LRBA: variants seen among roughly 807,000 people sequenced by gnomAD.
LRBA encodes LPS responsive beige-like anchor protein.
A neutral mutation model predicts 330.0 loss-of-function variants in LRBA; 176 were observed. The ratio of observed to expected loss-of-function variants is 0.53; its 90% confidence interval spans 0.47 to 0.60. The LOEUF (loss-of-function observed/expected upper bound fraction) is 0.60, where lower values mean the gene tolerates loss of function less well. Among genes scored for constraint, LRBA ranks in the 20% least tolerant of loss-of-function variants. The pLI, the probability that LRBA is intolerant of heterozygous loss-of-function variation, is 0.00. For missense variants in LRBA, 3,259 were observed against 3,444.8 expected (o/e 0.95, Z 1.35); for synonymous variants, 1,230 against 1,193.0 (o/e 1.03, Z -0.64).
At chr4:150,910,280 T>C (rs1443476651) in intron 9 of LRBA, among the ~76,000 whole-genome samples, 1 of 152,220 alleles carries the variant, frequency 6.6e-6, no homozygotes, top group Non-Finnish European at 1.5e-5. Flanking sequence ...AGGAGTTTTA[T>C]AGTTTTACAT....
intron 40 of LRBA, among the ~76,000 whole-genome samples, chr4:150,567,050 T>C (rs1436470437): frequency 6.6e-6 from 1 of 152,134 alleles, no homozygotes; most frequent in Non-Finnish European, 1.5e-5. Flanking sequence ...TACCAATCAC[T>C]TTAAAACAAA....
intron 40 of LRBA, among the ~76,000 whole-genome samples, chr4:150,504,184 G>A (rs1760721528): frequency 6.6e-6 from 1 of 152,182 alleles, no homozygotes; most frequent in African/African-American, 2.4e-5. Context: ...TATTATCCAG[G>A]AGAACTTCCC....
intron 31 of LRBA, among the ~76,000 whole-genome samples, chr4:150,809,682 C>T (rs944723779): frequency 6.6e-4 from 100 of 152,138 alleles, no homozygotes; most frequent in Middle Eastern, 3.4e-3. Context: ...CAGCAATGCC[C>T]GTCTCTACTA....
chr4:150,299,740 A>G (rs1729414029), intron 53 of LRBA, among the ~76,000 whole-genome samples: 2 of 152,006 alleles, frequency 1.3e-5, no homozygotes, highest in South Asian at 4.1e-4. Context: ...CCTGAGATAG[A>G]CCTATAAAAT....
chr4:150,830,842 C>G (rs1329463191), intron 29 of LRBA, among the ~76,000 whole-genome samples: 1 of 147,446 alleles, frequency 6.8e-6, no homozygotes, highest in Non-Finnish European at 1.5e-5. Flanking sequence ...CTGCTCACTG[C>G]AACCTCTGCC....
intron 31 of LRBA, among the ~76,000 whole-genome samples, chr4:150,811,841 C>T (rs1321571066): frequency 1.3e-5 from 2 of 152,004 alleles, no homozygotes; most frequent in Non-Finnish European, 2.9e-5. Flanking sequence ...ATGAGAAATG[C>T]ATATTAGAAA....
intron 53 of LRBA, among the ~76,000 whole-genome samples, chr4:150,300,925 G>C (rs1461129230): frequency 6.6e-6 from 1 of 151,954 alleles, no homozygotes; most frequent in Non-Finnish European, 1.5e-5. Context: ...ACATGATTAA[G>C]TAAAATAAAA....
intron 40 of LRBA, among the ~76,000 whole-genome samples, chr4:150,499,774 A>G (rs1424197096): frequency 6.6e-6 from 1 of 152,174 alleles, no homozygotes; most frequent in East Asian, 1.9e-4. Flanking sequence ...ATATTTCACA[A>G]TAAGTACTTT....
intron 2 of LRBA, among the ~76,000 whole-genome samples, chr4:150,959,725 T>C (rs1177545253): frequency 6.8e-6 from 1 of 146,538 alleles, no homozygotes; most frequent in Non-Finnish European, 1.5e-5. Context: ...AATTACATAT[T>C]TATATAATAT....
intron 55 of LRBA, among the ~76,000 whole-genome samples, chr4:150,279,943 G>T (rs1183889272): frequency 6.6e-6 from 1 of 152,146 alleles, no homozygotes; most frequent in African/African-American, 2.4e-5. Context: ...GATACTTGAA[G>T]CTTTTTACTG....
At chr4:150,869,552 G>C (rs1217447394) in intron 20 of LRBA, among the ~76,000 whole-genome samples, 1 of 152,038 alleles carries the variant, frequency 6.6e-6, no homozygotes, top group East Asian at 1.9e-4. Context: ...AGCCAGGCCT[G>C]GTAGCAGGCA....
intron 37 of LRBA, among the ~76,000 whole-genome samples, chr4:150,663,254 G>T (rs1006005535): frequency 1.3e-5 from 2 of 152,020 alleles, no homozygotes; most frequent in Non-Finnish European, 2.9e-5. Context: ...GATCTAGGGT[G>T]TAGATCTTGA....
intron 37 of LRBA, among the ~76,000 whole-genome samples, chr4:150,599,674 T>C (rs911031664): frequency 3.9e-5 from 6 of 152,208 alleles, no homozygotes; most frequent in Non-Finnish European, 7.4e-5. Flanking sequence ...CTCAGTTACA[T>C]GGTTATGTAT....
At position 150,583,987 on chromosome 4, in the gene LRBA, T is replaced by C; in HGVS notation, c.6330+4061A>G. On this transcript the variant is annotated intron_variant, in intron 40 of 56. Transcript: ENST00000651943. This position sits in a 1 kb window ranked among gnomAD's most constrained non-coding sequence, Gnocchi z 9.8. ...GCAGTGCCGCCGCTGCCCTCACTACTTTCTGCCCAACCTCGACCTCTTTCA... is the reference window on the plus strand; with the variant it reads ...GCAGTGCCGCCGCTGCCCTCACTACCTTCTGCCCAACCTCGACCTCTTTCA... 3 of 1,614,114 alleles carry C rather than the reference T, an allele frequency of 1.9e-6. No homozygotes were observed. The highest frequency in any genetic ancestry group is 1.7e-5 in the Admixed American group (1 of 60,024).
At chr4:150,285,648 GA>G (rs1242650081) in intron 54 of LRBA, among the ~76,000 whole-genome samples, 5 of 152,212 alleles carry the variant, frequency 3.3e-5, no homozygotes, top group Admixed American at 3.3e-4. Flanking sequence ...GCAGTGCTGT[GA>G]AACAGAACTT....
intron 44 of LRBA, among the ~76,000 whole-genome samples, chr4:150,467,349 T>C (rs573689749): frequency 1.3e-5 from 2 of 152,196 alleles, no homozygotes; most frequent in Admixed American, 6.6e-5. Flanking sequence ...GATACCCCAG[T>C]AGTAGAAGAG....
rs192785938 is a variant in LRBA at position 150,698,873 on chromosome 4, T to C, written c.5755-15156A>G. ...CCTGGTCATTTTCAAAAAGCTAAAGTTGAGAGTATGACAAGTAAAACACAT... is the reference window on the plus strand; with the variant it reads ...CCTGGTCATTTTCAAAAAGCTAAAGCTGAGAGTATGACAAGTAAAACACAT... On this transcript the variant is annotated intron_variant, in intron 36 of 56. Transcript: ENST00000651943. Among the ~76,000 whole-genome samples the C allele has an allele frequency of 4.2e-3, 646 of 152,270 alleles. 4 individuals are homozygous for C. Among genetic ancestry groups the C allele is most frequent in the African/African-American group, 0.015 (625 of 41,554 alleles).
chr4:150,288,861 G>A (rs1580908509), intron 53 of LRBA, among the ~76,000 whole-genome samples: 1 of 109,382 alleles, frequency 9.1e-6, no homozygotes, highest in African/African-American at 3.5e-5. Context: ...AACTTGAATT[G>A]TCTTGGAATT....
intron 37 of LRBA, among the ~76,000 whole-genome samples, chr4:150,660,792 CAT>C (rs1482299247): frequency 2.4e-5 from 3 of 122,642 alleles, no homozygotes. Flanking sequence ...CTCTCTGAAA[CAT>C]GTGCTGTGTC....
Sources: allele counts gnomAD v4.1 joint callset (sites outside exome capture counted in the v4.1 genomes callset), GRCh38; gene constraint gnomAD v4.1.1; non-coding constraint Gnocchi (gnomAD v3.1); transcripts MANE v1.5; gene names NCBI Gene and HGNC (gene_info 2026-07-23, HGNC 2026-07-21).